TMEM74: variants seen among roughly 807,000 people sequenced by gnomAD.
TMEM74 encodes transmembrane protein 74.
In TMEM74, 13 loss-of-function variants were observed where a neutral mutation model predicts 18.1. That is an observed-to-expected ratio of 0.72 (90% confidence interval 0.47 to 1.14). TMEM74 has a LOEUF of 1.14. Among genes scored for constraint, TMEM74 ranks in the 50% most tolerant of loss-of-function variants. TMEM74 has a pLI of 0.00. For missense variants in TMEM74, 372 were observed against 375.9 expected (o/e 0.99, Z 0.09); for synonymous variants, 159 against 146.6 (o/e 1.08, Z -0.61).
At chr8:108,747,556 T>C (rs1261723500) in intron 1 of TMEM74, among the ~76,000 whole-genome samples, 1 of 151,814 alleles carries the variant, frequency 6.6e-6, no homozygotes, top group Non-Finnish European at 1.5e-5. Context: ...TCTCTCTCTC[T>C]TTTTTTTAAA....
rs1813111520 is a variant in TMEM74, at chr8:108,681,236, CG to C, written n.120-25800del. On this transcript the variant is annotated intron_variant and non_coding_transcript_variant, in intron 1 of 3. Coordinates refer to the TMEM74 transcript ENST00000518838. ...CAATCCTAAGCCAAAAGAACAAAGC[CG>C]GAGGCATCACGCTACCTGACTTCAA... 2.6e-5 allele frequency among the ~76,000 whole-genome samples: 4 copies of C among 152,026 alleles called. No individual in the cohort carries two copies. The South Asian group carries it at 8.3e-4, about 32-fold the overall frequency.
chr8:108,639,171 T>TA (rs1205950552), intron 2 of TMEM74, among the ~76,000 whole-genome samples: 2 of 152,140 alleles, frequency 1.3e-5, no homozygotes, highest in Non-Finnish European at 1.5e-5. Context: ...TTGCAAGGAA[T>TA]AATAAATGGT....
At chr8:108,709,708 A>G (rs527624786) in intron 1 of TMEM74, among the ~76,000 whole-genome samples, 3 of 152,228 alleles carry the variant, frequency 2.0e-5, no homozygotes, top group East Asian at 1.9e-4. Flanking sequence ...AAACAAAATC[A>G]AACAAAAATA....
At chr8:108,614,650 G>A (rs1812366297) in intron 2 of TMEM74, among the ~76,000 whole-genome samples, 1 of 152,206 alleles carries the variant, frequency 6.6e-6, no homozygotes, top group African/African-American at 2.4e-5. Context: ...GATGAGTTGT[G>A]TAGCTGTGGG....
chr8:108,683,699 A>T (rs1271046298), intron 1 of TMEM74, among the ~76,000 whole-genome samples: 1 of 151,966 alleles, frequency 6.6e-6, no homozygotes, highest in Non-Finnish European at 1.5e-5. Context: ...CCATCATCTC[A>T]AACATTTATT....
chr8:108,677,829 A>C (rs749272846), intron 1 of TMEM74, among the ~76,000 whole-genome samples: 3 of 152,206 alleles, frequency 2.0e-5, no homozygotes, highest in Non-Finnish European at 2.9e-5. Flanking sequence ...GGATCAGCCC[A>C]GGTCTTCCTA....
chr8:108,751,424 T>C (rs547449164), intron 1 of TMEM74, among the ~76,000 whole-genome samples: 11 of 152,238 alleles, frequency 7.2e-5, no homozygotes, highest in African/African-American at 2.6e-4. Context: ...CCTGGCTCTG[T>C]TGCACATTCT....
rs1018264740 is a variant in TMEM74 at position 108,783,867 on chromosome 8, T to C, written c.*314A>G. On this transcript the variant is annotated 3_prime_UTR_variant, in exon 2 of 2. Transcript: ENST00000297459. ...TCCAAAGAATAACATCATATATTTG[T>C]GTAAAAGAAATAATTTGTAGACTGG... The C allele has an allele frequency of 3.4e-5, 7 of 203,010 alleles. No individual in the cohort carries two copies. The Admixed American group carries it at 3.8e-4, about 11-fold the overall frequency. The allele number at this position is 203,010 out of a possible 1,614,324, so 12.6% of individuals were successfully genotyped here.
chr8:108,759,968 T>C (rs554646634), intron 1 of TMEM74, among the ~76,000 whole-genome samples: 3 of 151,878 alleles, frequency 2.0e-5, no homozygotes, highest in Admixed American at 6.6e-5. Context: ...AGGTCAGGAG[T>C]TGAAGACCAG....
chr8:108,718,428 A>AG (rs1813551293), intron 1 of TMEM74, among the ~76,000 whole-genome samples: 1 of 152,206 alleles, frequency 6.6e-6, no homozygotes, highest in South Asian at 2.1e-4. Context: ...TATTACCTAC[A>AG]GTGGTACATG....
intron 2 of TMEM74, among the ~76,000 whole-genome samples, chr8:108,624,913 AG>A (rs1481086761): frequency 1.3e-5 from 2 of 152,042 alleles, no homozygotes; most frequent in Non-Finnish European, 2.9e-5. Context: ...TTAAAGTACC[AG>A]AAAAAGATAG....
chr8:108,737,420 A>G (rs556096352), intron 1 of TMEM74, among the ~76,000 whole-genome samples: 1 of 152,332 alleles, frequency 6.6e-6, no homozygotes, highest in East Asian at 1.9e-4. Flanking sequence ...CTCCAGATAG[A>G]ATATCACTTA....
intron 1 of TMEM74, among the ~76,000 whole-genome samples, chr8:108,724,679 A>G (rs1310260086): frequency 6.6e-6 from 1 of 152,206 alleles, no homozygotes. Flanking sequence ...AAAATTGCTT[A>G]TACCTAGACT....
Position 108,744,030 on chromosome 8 carries a change from G to A in TMEM74, n.119+43446C>T, listed in dbSNP as rs531478139. Among the ~76,000 whole-genome samples the A allele has an allele frequency of 3.6e-4, 49 of 135,300 alleles. No individual in the cohort carries two copies. The South Asian group carries it at 0.011, about 30-fold the overall frequency. 88.8% of individuals were successfully genotyped at this position (135,300 alleles called of 152,430 possible). A position where few individuals can be genotyped will look rare whatever the true frequency, so the allele number is the denominator to read the frequency against. On this transcript the variant is annotated intron_variant and non_coding_transcript_variant, in intron 1 of 3. Transcript: ENST00000518838. ...GCAAGAGAATAAAAGAAGGAGGTGG[G>A]CAATGTTTAGTGCACCTGCGCCCTG...
intron 1 of TMEM74, among the ~76,000 whole-genome samples, chr8:108,742,488 A>G (rs1813811176): frequency 6.6e-6 from 1 of 152,236 alleles, no homozygotes; most frequent in South Asian, 2.1e-4. Context: ...CACTGTGGCT[A>G]CATTAGATTC....
intron 1 of TMEM74, among the ~76,000 whole-genome samples, chr8:108,671,407 C>T (rs1039580832): frequency 1.3e-5 from 2 of 152,200 alleles, no homozygotes; most frequent in Non-Finnish European, 1.5e-5. Flanking sequence ...AAGCAACTGT[C>T]CTGTTTCTGT....
chr8:108,753,747 G>A (rs1478411034), intron 1 of TMEM74, among the ~76,000 whole-genome samples: 1 of 151,894 alleles, frequency 6.6e-6, no homozygotes, highest in Non-Finnish European at 1.5e-5. Context: ...ACTCTGTTTT[G>A]TATTGCTTTA....
At chr8:108,725,387 G>C (rs1044614015) in intron 1 of TMEM74, among the ~76,000 whole-genome samples, 10 of 152,000 alleles carry the variant, frequency 6.6e-5, no homozygotes, top group African/African-American at 2.4e-4. Flanking sequence ...GGAAAATAGG[G>C]GCTCAAAACC....
chr8:108,662,231 A>AAAACACACACACATAC (rs1812907184), intron 1 of TMEM74, among the ~76,000 whole-genome samples: 1 of 151,864 alleles, frequency 6.6e-6, no homozygotes, highest in Non-Finnish European at 1.5e-5. Context: ...GAGAGATGGA[A>AAAACACACACACATAC]AAACACACAC....
Sources: allele counts gnomAD v4.1 joint callset (sites outside exome capture counted in the v4.1 genomes callset), GRCh38; gene constraint gnomAD v4.1.1; transcripts MANE v1.5; gene names NCBI Gene and HGNC (gene_info 2026-07-23, HGNC 2026-07-21).